Variants in STAG1 observed in about 807,000 individuals in gnomAD.
STAG1 encodes cohesin subunit SA-1.
STAG1 carries 26 observed loss-of-function variants against 170.9 expected under a neutral mutation model. That is an observed-to-expected ratio of 0.15 (90% CI 0.11 to 0.21). The LOEUF is 0.21. Among genes scored for constraint, STAG1 ranks in the 10% least tolerant of loss-of-function variants. STAG1 has a pLI of 1.00. For synonymous variants in STAG1, 514 were observed against 497.7 expected, an observed-to-expected ratio of 1.03 and a Z score of -0.44; for missense variants, 964 against 1,509.5, an observed-to-expected ratio of 0.64 and a Z score of 5.99.
intron 5 of STAG1, among the ~76,000 whole-genome samples, chr3:136,552,639 G>C (rs1936455019): frequency 1.3e-5 from 2 of 152,084 alleles, no homozygotes; most frequent in South Asian, 4.1e-4. Context: ...CTATAAAGTG[G>C]GGCCTCAAAG....
At chr3:136,442,634 ATAAAAGG>A (rs1424226269) in intron 15 of STAG1, among the ~76,000 whole-genome samples, 2 of 151,710 alleles carry the variant, frequency 1.3e-5, no homozygotes, top group Non-Finnish European at 2.9e-5. Flanking sequence ...ATCATTATGC[ATAAAAGG>A]TTTTTTCAAA....
At chr3:136,419,574 A>G (rs2087887346) in intron 20 of STAG1, among the ~76,000 whole-genome samples, 1 of 150,372 alleles carries the variant, frequency 6.7e-6, no homozygotes, top group African/African-American at 2.4e-5. Flanking sequence ...CCCCAAGAGT[A>G]GCTGGGAATA....
At chr3:136,427,689 T>C (rs981712849) in intron 16 of STAG1, among the ~76,000 whole-genome samples, 3 of 151,618 alleles carry the variant, frequency 2.0e-5, no homozygotes, top group Non-Finnish European at 2.9e-5. Flanking sequence ...CTTAAAGCCA[T>C]TACTGCTATA....
At chr3:136,410,693 C>T (rs1264339444) in intron 21 of STAG1, among the ~76,000 whole-genome samples, 1 of 152,150 alleles carries the variant, frequency 6.6e-6, no homozygotes, top group African/African-American at 2.4e-5. Context: ...ACTTAAAATA[C>T]ACCAGCCTGG....
intron 1 of STAG1, among the ~76,000 whole-genome samples, chr3:136,734,997 CTT>C (rs957810798): frequency 1.1e-4 from 17 of 152,288 alleles, no homozygotes; most frequent in Middle Eastern, 3.4e-3. Flanking sequence ...GGTCAGAACT[CTT>C]GACACTAACC....
chr3:136,461,486 A>G (rs1031126885), intron 13 of STAG1, among the ~76,000 whole-genome samples: 1 of 152,186 alleles, frequency 6.6e-6, no homozygotes, highest in African/African-American at 2.4e-5. Flanking sequence ...AGAATACAAA[A>G]TCAACATAAA....
chr3:136,690,056 C>CAAAAAAAAAAAAAAAAAAAAAAA (rs57082567), intron 1 of STAG1, among the ~76,000 whole-genome samples: 20 of 56,338 alleles, frequency 3.6e-4, no homozygotes, highest in Admixed American at 6.4e-4. Flanking sequence ...AAAAGCAAAC[C>CAAAAAAAAAAAAAAAAAAAAAAA]AAAAAAAAAA....
At chr3:136,492,757 G>A (rs571842713) in intron 9 of STAG1, among the ~76,000 whole-genome samples, 1 of 152,108 alleles carries the variant, frequency 6.6e-6, no homozygotes, top group South Asian at 2.1e-4. Context: ...AAATTCCACG[G>A]GAAAAAATGA....
At chr3:136,595,032 G>A (rs543169119) in intron 4 of STAG1, among the ~76,000 whole-genome samples, 1 of 152,314 alleles carries the variant, frequency 6.6e-6, no homozygotes, top group African/African-American at 2.4e-5. Flanking sequence ...GCCTCCCAAA[G>A]TACTGGGCTT....
At chr3:136,537,884 GT>G (rs200026212) in intron 6 of STAG1, among the ~76,000 whole-genome samples, 13,521 of 152,114 alleles carry the variant, frequency 0.089, 817 homozygotes, top group Admixed American at 0.14. Flanking sequence ...ACCTGAGCAT[GT>G]GATCATAAGG....
intron 10 of STAG1, among the ~76,000 whole-genome samples, chr3:136,477,008 A>G (rs1015541131): frequency 6.6e-6 from 1 of 152,190 alleles, no homozygotes; most frequent in Non-Finnish European, 1.5e-5. Context: ...TGAATTAGAA[A>G]AAGAATATAA....
chr3:136,724,924 T>G (rs569090443), intron 1 of STAG1, among the ~76,000 whole-genome samples: 72 of 152,260 alleles, frequency 4.7e-4, no homozygotes, highest in Non-Finnish European at 8.4e-4. Flanking sequence ...AAAAAAAACA[T>G]TAAACCTATG....
At chr3:136,411,447 T>C (rs2087620448) in intron 21 of STAG1, among the ~76,000 whole-genome samples, 1 of 152,218 alleles carries the variant, frequency 6.6e-6, no homozygotes, top group South Asian at 2.1e-4. Flanking sequence ...AAATATACCT[T>C]GACTTTATTC....
At chr3:136,748,630 G>A (rs1935071274) in intron 1 of STAG1, among the ~76,000 whole-genome samples, 1 of 151,964 alleles carries the variant, frequency 6.6e-6, no homozygotes, top group Non-Finnish European at 1.5e-5. Context: ...TGAAACTCCT[G>A]ACCTCAGGTG....
intron 7 of STAG1, among the ~76,000 whole-genome samples, chr3:136,508,703 G>A (rs1933892420): frequency 6.6e-6 from 1 of 152,112 alleles, no homozygotes; most frequent in Admixed American, 6.6e-5. Context: ...AAATAAATAA[G>A]TAAATAAAAT....
chr3:136,495,871 A>C (rs755689807), intron 9 of STAG1, among the ~76,000 whole-genome samples: 1 of 149,848 alleles, frequency 6.7e-6, no homozygotes, highest in Non-Finnish European at 1.5e-5. Context: ...CGGGAGGCTG[A>C]GGCAGGAGAA....
intron 1 of STAG1, among the ~76,000 whole-genome samples, chr3:136,657,263 G>A (rs1250118246): frequency 3.0e-5 from 4 of 132,930 alleles, no homozygotes; most frequent in South Asian, 4.8e-4. Context: ...GCAATGGCAC[G>A]ATCTTGGCTC....
At chr3:136,459,490 A>G (rs1346464949) in intron 13 of STAG1, among the ~76,000 whole-genome samples, 1 of 152,214 alleles carries the variant, frequency 6.6e-6, no homozygotes, top group Non-Finnish European at 1.5e-5. Flanking sequence ...CCAAAGAAAC[A>G]CTGGAGTTAA....
At chr3:136,356,270 A>G (rs963635790) in intron 28 of STAG1, among the ~76,000 whole-genome samples, 1 of 152,298 alleles carries the variant, frequency 6.6e-6, no homozygotes, top group East Asian at 1.9e-4. Context: ...GGCTTAATGA[A>G]TATTTTCTGA....
Sources: gnomAD v4.1 joint callset for allele counts (sites outside exome capture counted in the v4.1 genomes callset) on GRCh38, gnomAD v4.1.1 for gene constraint, MANE v1.5 for transcripts, NCBI Gene and HGNC (gene_info 2026-07-23, HGNC 2026-07-21) for gene names.